Variants in ALK observed in about 807,000 individuals in gnomAD.
ALK encodes ALK tyrosine kinase receptor.
A neutral mutation model predicts 163.1 loss-of-function variants in ALK; 74 were observed. The observed-to-expected ratio is 0.45, with a 90% CI of 0.38 to 0.55. ALK has a LOEUF of 0.55. Ranked by LOEUF, ALK falls within the 20% of genes least tolerant of loss-of-function variation. The pLI is 0.00. For synonymous variants in ALK, 960 were observed against 843.2 expected (o/e 1.14, Z -2.40); for missense variants, 2,063 against 2,105.3 (o/e 0.98, Z 0.39).
chr2:29,349,014 G>T (rs1235625278), intron 5 of ALK, among the ~76,000 whole-genome samples: 1 of 152,082 alleles, frequency 6.6e-6, no homozygotes, highest in African/African-American at 2.4e-5. Flanking sequence ...GGGATAATAA[G>T]AGTACCTTCT....
chr2:29,834,369 C>T (rs1233510892), intron 1 of ALK, among the ~76,000 whole-genome samples: 1 of 152,168 alleles, frequency 6.6e-6, no homozygotes, highest in Non-Finnish European at 1.5e-5. Flanking sequence ...TAGCCAGTCT[C>T]ATCAATTTTC....
rs536082197 is a variant in ALK, at chr2:29,343,883, C to T, written c.1283-15402G>A. On this transcript the variant is annotated intron_variant, in intron 5 of 28. Transcript: ENST00000389048. Reference sequence around the variant, plus strand: ...CATTTCCACTTTTACAAGTCTTTCTCAAACACCAGGGGGATTCTGCCAGGT... The same window carrying T: ...CATTTCCACTTTTACAAGTCTTTCTTAAACACCAGGGGGATTCTGCCAGGT... Among the ~76,000 whole-genome samples the T allele has an allele frequency of 1.4e-3, 208 of 152,308 alleles. 1 individual carries two copies. Among genetic ancestry groups the T allele is most frequent in the African/African-American group, 4.8e-3 (199 of 41,562 alleles).
chr2:29,373,184 C>T (rs987822699), intron 5 of ALK, among the ~76,000 whole-genome samples: 1 of 152,098 alleles, frequency 6.6e-6, no homozygotes, highest in Non-Finnish European at 1.5e-5. Flanking sequence ...GGCAATTGCA[C>T]ATTGAATACT....
chr2:29,831,008 A>AGAAGAAGGGGAAGAG (rs1558508426), intron 1 of ALK, among the ~76,000 whole-genome samples: 2 of 40,764 alleles, frequency 4.9e-5, no homozygotes, highest in African/African-American at 1.4e-4. Flanking sequence ...AAGAAGAAGA[A>AGAAGAAGGGGAAGAG]GAAGGGGAAG....
intron 3 of ALK, among the ~76,000 whole-genome samples, chr2:29,581,779 C>T (rs1416443080): frequency 1.3e-5 from 2 of 152,200 alleles, no homozygotes; most frequent in Non-Finnish European, 2.9e-5. Context: ...TCTCTTCTTA[C>T]TTCTTTCTTT....
intron 4 of ALK, among the ~76,000 whole-genome samples, chr2:29,501,124 C>A (rs1158414487): frequency 6.6e-6 from 1 of 152,204 alleles, no homozygotes; most frequent in Non-Finnish European, 1.5e-5. Context: ...ACTCCCCCAG[C>A]TCATCCTTCC....
intron 4 of ALK, among the ~76,000 whole-genome samples, chr2:29,444,573 C>T (rs1670625268): frequency 6.6e-6 from 1 of 151,902 alleles, no homozygotes; most frequent in African/African-American, 2.4e-5. Context: ...TTATGGGATC[C>T]TTTATACAAA....
At chr2:29,905,847 A>G (rs1558542359) in intron 1 of ALK, among the ~76,000 whole-genome samples, 1 of 152,044 alleles carries the variant, frequency 6.6e-6, no homozygotes, top group Non-Finnish European at 1.5e-5. Context: ...GTTTAGCACA[A>G]CCTTTGCTCA....
At position 29,266,653 on chromosome 2, in the gene ALK, C is replaced by T. The variant is rs116489230; in HGVS notation, c.2041+8446G>A. Among the ~76,000 whole-genome samples the T allele has an allele frequency of 7.9e-4, 121 of 152,262 alleles. 1 individual carries two copies. The highest frequency in any genetic ancestry group is 2.2e-3 in the African/African-American group (92 of 41,552). On this transcript the variant is annotated intron_variant, in intron 11 of 28. Transcript: ENST00000389048. ...TATCCCTACTTGATGGATGAGGAAA[C>T]GGGGCCCAGAATCTTTGACTCTCCT...
intron 3 of ALK, among the ~76,000 whole-genome samples, chr2:29,682,065 G>T (rs2148279588): frequency 6.6e-6 from 1 of 152,248 alleles, no homozygotes; most frequent in East Asian, 1.9e-4. Context: ...TATTAGTAGG[G>T]CCAGCCCATT....
intron 7 of ALK, among the ~76,000 whole-genome samples, 198 bp from the exon 8 acceptor site, chr2:29,318,602 T>C (rs920055205): frequency 6.6e-6 from 1 of 151,566 alleles, no homozygotes; most frequent in African/African-American, 2.4e-5. Flanking sequence ...AGTCTTGCTC[T>C]GTAGCTCAGA....
chr2:29,590,887 C>T (rs1321757476), intron 3 of ALK, among the ~76,000 whole-genome samples: 4 of 151,474 alleles, frequency 2.6e-5, no homozygotes, highest in Non-Finnish European at 4.4e-5. Context: ...TTGGCTAACA[C>T]GGTGAAACCC....
At chr2:29,466,070 A>T (rs1671202978) in intron 4 of ALK, among the ~76,000 whole-genome samples, 1 of 152,210 alleles carries the variant, frequency 6.6e-6, no homozygotes, top group Non-Finnish European at 1.5e-5. Context: ...ACCCACCAAA[A>T]TTATATTAAA....
chr2:29,671,626 C>T (rs1208955215), intron 3 of ALK, among the ~76,000 whole-genome samples: 2 of 151,968 alleles, frequency 1.3e-5, no homozygotes, highest in African/African-American at 4.8e-5. Flanking sequence ...TTTCTATGAA[C>T]TTGTTGCCAG....
At chr2:29,593,992 AT>A (rs1675133221) in intron 3 of ALK, among the ~76,000 whole-genome samples, 1 of 152,178 alleles carries the variant, frequency 6.6e-6, no homozygotes, top group South Asian at 2.1e-4. Flanking sequence ...TCCATGGGAC[AT>A]TTGGCAATAT....
intron 1 of ALK, among the ~76,000 whole-genome samples, chr2:29,815,575 C>T (rs1442473139): frequency 1.3e-5 from 2 of 152,154 alleles, no homozygotes; most frequent in Non-Finnish European, 2.9e-5. Flanking sequence ...GTAGAAAGGT[C>T]TCTCGTGTGG....
chr2:29,885,562 C>CAAA (rs34179501), intron 1 of ALK, among the ~76,000 whole-genome samples: 84 of 133,142 alleles, frequency 6.3e-4, no homozygotes, highest in African/African-American at 2.3e-3. Context: ...ATGGATATGG[C>CAAA]AAAAAAAAAA....
chr2:29,222,655 T>C (rs1391105756), intron 20 of ALK, 48 bp from the exon 21 acceptor site: 9 of 1,560,028 alleles, frequency 5.8e-6, no homozygotes, highest in Admixed American at 1.7e-5. Flanking sequence ...CAGGCCACAA[T>C]AATGAGGCAG....
chr2:29,699,917 C>A (rs1397344360), intron 2 of ALK, among the ~76,000 whole-genome samples: 2 of 152,178 alleles, frequency 1.3e-5, no homozygotes, highest in East Asian at 1.9e-4. Flanking sequence ...TCTAGCAGAG[C>A]AGTGAGGATG....
Sources: allele counts gnomAD v4.1 joint callset (sites outside exome capture counted in the v4.1 genomes callset), GRCh38; gene constraint gnomAD v4.1.1; transcripts MANE v1.5; gene names NCBI Gene and HGNC (gene_info 2026-07-23, HGNC 2026-07-21).